EFCAB6: variants seen among roughly 807,000 people sequenced by gnomAD.
The protein encoded by EFCAB6 is EF-hand calcium binding domain 6.
Under a neutral mutation model 169.8 loss-of-function variants are expected in EFCAB6, and 156 were observed. The ratio of observed to expected loss-of-function variants is 0.92; its 90% CI spans 0.81 to 1.05. The LOEUF is 1.05. Ranked by LOEUF, EFCAB6 falls within the 50% of genes least tolerant of loss-of-function variation. EFCAB6 has a pLI of 0.00. For synonymous variants in EFCAB6, 698 were observed against 676.4 expected (o/e 1.03, Z -0.50); for missense variants, 1,800 against 1,829.1 (o/e 0.98, Z 0.29).
chr22:43,670,556 G>A (rs1049202564), intron 15 of EFCAB6, among the ~76,000 whole-genome samples: 10 of 152,224 alleles, frequency 6.6e-5, no homozygotes, highest in African/African-American at 9.6e-5. Context: ...CTATGGTGTC[G>A]TTATGAGGAT....
chr22:43,714,759 A>T (rs752731115), intron 9 of EFCAB6, among the ~76,000 whole-genome samples: 1 of 152,232 alleles, frequency 6.6e-6, no homozygotes, highest in Non-Finnish European at 1.5e-5. Flanking sequence ...ATATGAAAAA[A>T]ACAAAGGGAA....
chr22:43,624,451 A>G (rs894796490), intron 20 of EFCAB6, among the ~76,000 whole-genome samples: 7 of 151,956 alleles, frequency 4.6e-5, no homozygotes, highest in African/African-American at 1.2e-4. Context: ...CTCCTCCCCA[A>G]CCAGGCCCAC....
At chr22:43,637,159 T>A (rs549309149) in intron 17 of EFCAB6, among the ~76,000 whole-genome samples, 402 of 152,296 alleles carry the variant, frequency 2.6e-3, no homozygotes, top group Non-Finnish European at 4.2e-3. Flanking sequence ...ACCTCCCACC[T>A]GCCTCCCTAT....
At chr22:43,705,755 A>G (rs2058934522) in intron 10 of EFCAB6, among the ~76,000 whole-genome samples, 1 of 152,194 alleles carries the variant, frequency 6.6e-6, no homozygotes, top group African/African-American at 2.4e-5. Flanking sequence ...TTCTAAGAGG[A>G]AAGTTTATAC....
chr22:43,793,021 T>C (rs533759570), intron 2 of EFCAB6, among the ~76,000 whole-genome samples: 27 of 152,282 alleles, frequency 1.8e-4, no homozygotes, highest in Admixed American at 1.6e-3. Context: ...TATCCATAAA[T>C]TCACTTCCTA....
chr22:43,538,556 T>G (rs2047519280), intron 28 of EFCAB6, among the ~76,000 whole-genome samples: 1 of 152,102 alleles, frequency 6.6e-6, no homozygotes, highest in Non-Finnish European at 1.5e-5. Context: ...GCCTGGCTAA[T>G]TTTTGTATTT....
chr22:43,649,774 G>A (rs886302315), intron 17 of EFCAB6, among the ~76,000 whole-genome samples: 2 of 152,144 alleles, frequency 1.3e-5, no homozygotes, highest in East Asian at 3.9e-4. Flanking sequence ...GAGGCAACCA[G>A]GACCCAGAGG....
chr22:43,613,308 C>T (rs1255976402), intron 21 of EFCAB6, among the ~76,000 whole-genome samples: 2 of 151,504 alleles, frequency 1.3e-5, no homozygotes, highest in African/African-American at 2.4e-5. Context: ...GATACATGCA[C>T]GGGTATGTTC....
At chr22:43,562,693 G>A (rs188083018) in intron 26 of EFCAB6, among the ~76,000 whole-genome samples, 2 of 30,484 alleles carry the variant, frequency 6.6e-5, no homozygotes, top group African/African-American at 4.3e-4. Context: ...CCCAGGTCAG[G>A]GGTGGGAGGG....
intron 6 of EFCAB6, among the ~76,000 whole-genome samples, chr22:43,737,602 C>T (rs2060194603): frequency 6.6e-6 from 1 of 151,418 alleles, no homozygotes; most frequent in Admixed American, 6.6e-5. Flanking sequence ...CCATCACTCA[C>T]ACACATATAT....
intron 20 of EFCAB6, among the ~76,000 whole-genome samples, chr22:43,626,193 G>A (rs2054507299): frequency 6.6e-6 from 1 of 152,108 alleles, no homozygotes; most frequent in African/African-American, 2.4e-5. Flanking sequence ...GTAAGTATAT[G>A]CATATGAAAA....
chr22:43,804,739 G>C (rs2062849290), intron 2 of EFCAB6, among the ~76,000 whole-genome samples: 1 of 142,092 alleles, frequency 7.0e-6, no homozygotes, highest in African/African-American at 2.7e-5. Flanking sequence ...ACTTCAGCCT[G>C]GGCAACAGAG....
In EFCAB6 at chr22:43,615,816, AT is replaced by A; in HGVS notation, c.2562+9del. The A allele has an allele frequency of 6.2e-7, 1 of 1,606,450 alleles. No individual in the cohort carries two copies. Among genetic ancestry groups the A allele is most frequent in the Non-Finnish European group, 8.5e-7 (1 of 1,175,876 alleles). Reference sequence around the variant, plus strand: ...TTTCTTTCCTTTTAAGGAAATAATCATTTTCTTACCTTAGACAAGTCTGACC... The same window carrying A: ...TTTCTTTCCTTTTAAGGAAATAATCATTTCTTACCTTAGACAAGTCTGACC... On this transcript the variant is annotated intron_variant, in intron 21 of 31. Coordinates refer to ENST00000262726, the MANE Select transcript of EFCAB6 (RefSeq NM_022785.4).
chr22:43,675,496 T>C (rs1009009770), intron 13 of EFCAB6, among the ~76,000 whole-genome samples: 3 of 141,116 alleles, frequency 2.1e-5, no homozygotes, highest in Non-Finnish European at 4.6e-5. Flanking sequence ...TTATATAATA[T>C]AGGATTTAAT....
At chr22:43,665,138 G>C (rs1434571158) in intron 17 of EFCAB6, among the ~76,000 whole-genome samples, 3 of 152,168 alleles carry the variant, frequency 2.0e-5, no homozygotes, top group Non-Finnish European at 2.9e-5. Context: ...GGATGTAGGC[G>C]GAGCGGCCCC....
chr22:43,723,082 T>C (rs901658436), intron 8 of EFCAB6, among the ~76,000 whole-genome samples: 3 of 152,134 alleles, frequency 2.0e-5, no homozygotes, highest in African/African-American at 7.2e-5. Flanking sequence ...GTATACGTAG[T>C]GGAAATAGCA....
chr22:43,714,116 A>G (rs2059250759), intron 9 of EFCAB6, among the ~76,000 whole-genome samples: 1 of 152,214 alleles, frequency 6.6e-6, no homozygotes, highest in Non-Finnish European at 1.5e-5. Context: ...AATAGAAAAT[A>G]AAAATAGCAT....
chr22:43,656,700 A>C (rs2056762462), intron 17 of EFCAB6, among the ~76,000 whole-genome samples: 1 of 152,054 alleles, frequency 6.6e-6, no homozygotes, highest in African/African-American at 2.4e-5. Flanking sequence ...TTAGGTGTGT[A>C]GGAGGCTATA....
intron 8 of EFCAB6, among the ~76,000 whole-genome samples, chr22:43,722,097 A>G (rs941578598): frequency 6.6e-5 from 10 of 152,180 alleles, no homozygotes; most frequent in Non-Finnish European, 1.5e-4. Context: ...ACGAACAGAC[A>G]CTTCTCAAAA....
Sources: gnomAD v4.1 joint callset for allele counts (sites outside exome capture counted in the v4.1 genomes callset) on GRCh38, gnomAD v4.1.1 for gene constraint, MANE v1.5 for transcripts, NCBI Gene and HGNC (gene_info 2026-07-23, HGNC 2026-07-21) for gene names.